The following DENND5A variants were observed in gnomAD, a reference collection of about 807,000 sequenced individuals.
DENND5A encodes the protein DENN domain containing 5A.
Under a neutral mutation model 140.3 loss-of-function variants are expected in DENND5A, and 64 were observed. The observed-to-expected ratio is 0.46, with a 90% CI of 0.37 to 0.56. The LOEUF (loss-of-function observed/expected upper bound fraction) is 0.56. Ranked by LOEUF, DENND5A falls within the 20% of genes least tolerant of loss-of-function variation. DENND5A has a pLI of 0.00. For missense variants in DENND5A, 1,292 were observed against 1,593.8 expected, an observed-to-expected ratio of 0.81 and a Z score of 3.22; for synonymous variants, 605 against 607.7, an observed-to-expected ratio of 1.00 and a Z score of 0.07.
At chr11:9,178,835 C>T in intron 7 of DENND5A, 23 bp downstream of exon 7, 1 of 1,595,190 alleles carries the variant, frequency 6.3e-7, no homozygotes, top group Admixed American at 1.7e-5. Context: ...TCCTCACCAC[C>T]TCCCAAGCAG....
At chr11:9,257,576 G>A (rs573398929) in intron 1 of DENND5A, among the ~76,000 whole-genome samples, 8 of 147,766 alleles carry the variant, frequency 5.4e-5, no homozygotes, top group African/African-American at 1.8e-4. Context: ...CCGCCTCCCA[G>A]GTTCACGCCA....
chr11:9,146,241 A>T (rs942469670), intron 16 of DENND5A, among the ~76,000 whole-genome samples: 2 of 152,328 alleles, frequency 1.3e-5, no homozygotes, highest in East Asian at 1.9e-4. Flanking sequence ...ACAGAGAAAG[A>T]AAGTTTGCCT....
intron 2 of DENND5A, chr11:9,207,232 A>G: frequency 2.1e-6 from 1 of 484,988 alleles, no homozygotes; most frequent in Non-Finnish European, 3.8e-6. Context: ...AAAGAAATGA[A>G]AAGATGTAAG....
chr11:9,226,361 AATG>A (rs1466010828), intron 1 of DENND5A, among the ~76,000 whole-genome samples: 1 of 152,174 alleles, frequency 6.6e-6, no homozygotes, highest in Non-Finnish European at 1.5e-5. Flanking sequence ...AGAGCAATTA[AATG>A]ATCCTGTATA....
chr11:9,196,133 A>C (rs1314885921), intron 4 of DENND5A, among the ~76,000 whole-genome samples: 1 of 152,100 alleles, frequency 6.6e-6, no homozygotes, highest in Non-Finnish European at 1.5e-5. Context: ...TTGTATTTTT[A>C]GTAGAGAAGG....
chr11:9,239,529 G>C (rs981141953), intron 1 of DENND5A, among the ~76,000 whole-genome samples: 8 of 149,894 alleles, frequency 5.3e-5, no homozygotes, highest in Non-Finnish European at 1.0e-4. Flanking sequence ...ACAAGGTCTT[G>C]CTATGTTGCC....
chr11:9,189,249 GA>G (rs938608651), intron 5 of DENND5A, among the ~76,000 whole-genome samples: 1 of 152,226 alleles, frequency 6.6e-6, no homozygotes, highest in Non-Finnish European at 1.5e-5. Flanking sequence ...TGGGGTTTGG[GA>G]ACCTCTGCCT....
chr11:9,236,336 A>C (rs1366810046), intron 1 of DENND5A, among the ~76,000 whole-genome samples: 1 of 152,092 alleles, frequency 6.6e-6, no homozygotes, highest in Non-Finnish European at 1.5e-5. Context: ...GTTCGAGATC[A>C]GCCTGGCCAA....
chr11:9,198,646 G>A (rs554033220), intron 4 of DENND5A, among the ~76,000 whole-genome samples: 3 of 152,042 alleles, frequency 2.0e-5, no homozygotes, highest in Non-Finnish European at 4.4e-5. Flanking sequence ...AAGTAACTAG[G>A]AAATCTAGTC....
chr11:9,157,913 G>C (rs1023300740), intron 12 of DENND5A, among the ~76,000 whole-genome samples: 16 of 152,188 alleles, frequency 1.1e-4, no homozygotes. Context: ...AAGTCATCCA[G>C]TGGAGCCAGG....
intron 5 of DENND5A, among the ~76,000 whole-genome samples, chr11:9,184,015 C>A (rs1475083018): frequency 6.6e-6 from 1 of 151,076 alleles, no homozygotes; most frequent in Non-Finnish European, 1.5e-5. Flanking sequence ...CATGCCATTG[C>A]ACTACAGCTT....
chr11:9,145,366 G>A (rs528669746), intron 17 of DENND5A: 1 of 584,046 alleles, frequency 1.7e-6, no homozygotes, highest in Non-Finnish European at 3.0e-6. Flanking sequence ...TGGGTTCTGA[G>A]GTCTCTGGGA....
chr11:9,175,768 A>T (rs1343051575), intron 8 of DENND5A: 1 of 152,224 alleles, frequency 6.6e-6, no homozygotes, highest in Non-Finnish European at 1.5e-5. Context: ...ATGAATATCT[A>T]TATGAAAAAA....
At chr11:9,153,901 T>G (rs367701888) in intron 12 of DENND5A, among the ~76,000 whole-genome samples, 1 of 152,240 alleles carries the variant, frequency 6.6e-6, no homozygotes, top group East Asian at 1.9e-4. Flanking sequence ...GTAATTCACC[T>G]GGGTAATGAG....
chr11:9,142,765 T>C lies in DENND5A; in HGVS notation c.3468A>G (p.Lys1156=). ...AGACATTTTTGAAGAGCCGGGGCGA[T>C]TTAAATCCATGCTGGAAAGCCTGTT... is the stretch of plus-strand genomic sequence containing the variant. ...ALEQAFQHGF[K]SPRLFKNVFI... Residue 1156 remains lysine, a synonymous_variant, in exon 21 of 23, where the codon AAA becomes AAG. Transcript: ENST00000328194. 1.2e-6 allele frequency: 2 copies of C among 1,614,154 alleles called. No individual in the cohort carries two copies. Among genetic ancestry groups the C allele is most frequent in the Non-Finnish European group, 1.7e-6 (2 of 1,180,024 alleles).
At chr11:9,205,037 C>A (rs1263026754) in intron 3 of DENND5A, among the ~76,000 whole-genome samples, 1 of 152,060 alleles carries the variant, frequency 6.6e-6, no homozygotes, top group East Asian at 1.9e-4. Flanking sequence ...GGAGATGATG[C>A]TAGAAATATA....
rs1848709322 is a variant in DENND5A, at chr11:9,180,957, G to A, written c.1265C>T (p.Pro422Leu). 10 of 1,614,052 alleles carry A rather than the reference G, an allele frequency of 6.2e-6. No individual in the cohort carries two copies. The highest frequency in any genetic ancestry group is 8.5e-6 in the Non-Finnish European group (10 of 1,180,042). Residue 422 changes from proline (P) to leucine (L), a missense_variant, in exon 6 of 23, where the codon CCT becomes CTT. Around this residue, in one of 4 missense-constraint regions of DENND5A, gnomAD observed 566 missense variants for 650.4 expected, o/e 0.87. Coordinates refer to ENST00000328194, the MANE Select transcript of DENND5A (RefSeq NM_015213.4). ...SEILMAFGIPPEGNLHCSESA... is the reference protein window; with the variant it reads ...SEILMAFGIPLEGNLHCSESA... ...CTCACTGCAATGAAGATTCCCTTCA[G>A]GGGGAATTCCAAATGCCATGAGAAT...
chr11:9,172,635 G>A (rs1210011419), intron 8 of DENND5A, among the ~76,000 whole-genome samples: 1 of 152,128 alleles, frequency 6.6e-6, no homozygotes, highest in Non-Finnish European at 1.5e-5. Flanking sequence ...TCTCTCTCCT[G>A]CTGTGCTGTG....
At position 9,160,832 on chromosome 11, in the gene DENND5A, C is replaced by T; in HGVS notation, c.2317G>A (p.Glu773Lys). 3 of 1,614,120 alleles carry T rather than the reference C, an allele frequency of 1.9e-6. No homozygotes were observed. Among genetic ancestry groups the T allele is most frequent in the Non-Finnish European group, 2.5e-6 (3 of 1,179,934 alleles). Reference sequence around the variant, plus strand: ...TCCCCATGCCCTAGCTCCACAGCTTCTCGGCCCATCTTTTCCACCAGCATC... The same window carrying T: ...TCCCCATGCCCTAGCTCCACAGCTTTTCGGCCCATCTTTTCCACCAGCATC... ...KRMLVEKMGR[E>K]AVELGHGEVN... The change falls in exon 12 of 23, where the codon GAA (glutamate) becomes AAA (lysine). Residue 773 changes from glutamate (E) to lysine (K), a missense_variant. Transcript: ENST00000328194.
Sources: gnomAD v4.1 joint callset for allele counts (sites outside exome capture counted in the v4.1 genomes callset) on GRCh38, gnomAD v4.1.1 for gene constraint, gnomAD v4.1.1 regional missense constraint, MANE v1.5 for transcripts, NCBI Gene and HGNC (gene_info 2026-07-23, HGNC 2026-07-21) for gene names.